FRK: variants seen among roughly 807,000 people sequenced by gnomAD.
FRK encodes tyrosine-protein kinase FRK.
A neutral mutation model predicts 56.4 loss-of-function variants in FRK; 51 were observed. The ratio of observed to expected loss-of-function variants is 0.90; its 90% CI spans 0.72 to 1.14. FRK has a LOEUF of 1.14. FRK is among the 50% of genes most tolerant of loss of function. The pLI is 0.00. For missense variants in FRK, 570 were observed against 601.4 expected, an observed-to-expected ratio of 0.95 and a Z score of 0.55; for synonymous variants, 245 against 217.9, an observed-to-expected ratio of 1.12 and a Z score of -1.10.
In FRK at chr6:116,022,587, T is replaced by G. The variant is rs557024409; in HGVS notation, c.345-18589A>C. Among the ~76,000 whole-genome samples the G allele has an allele frequency of 7.2e-5, 11 of 152,242 alleles. No homozygotes were observed. In the South Asian group the frequency reaches 1.9e-3, roughly 26 times the overall value. On this transcript the variant is annotated intron_variant, in intron 1 of 7. Coordinates refer to ENST00000606080, the MANE Select transcript of FRK (RefSeq NM_002031.3). ...CTCAATAGATGCAGAAAAATCTTTT[T>G]GAAAAAGTCAACATCTATTCATGAT...
chr6:116,021,907 G>A (rs1404743944), intron 1 of FRK, among the ~76,000 whole-genome samples: 3 of 151,742 alleles, frequency 2.0e-5, no homozygotes, highest in Non-Finnish European at 4.4e-5. Context: ...TTTTTGGGAA[G>A]ATTAATAAAA....
the FRK span, among the ~76,000 whole-genome samples, chr6:116,095,474 A>C: frequency 1.7e-3 from 260 of 152,328 alleles, 1 homozygote; most frequent in Non-Finnish European, 9.6e-4. Flanking sequence ...TTTCAACAAA[A>C]GTAAAGTTTG....
At chr6:116,053,972 ACATAG>A (rs1278364315) in intron 1 of FRK, among the ~76,000 whole-genome samples, 1 of 152,004 alleles carries the variant, frequency 6.6e-6, no homozygotes, top group Non-Finnish European at 1.5e-5. Flanking sequence ...TGGGATTTTA[ACATAG>A]TTGAATTGGT....
At chr6:116,090,552 C>G in the FRK span, among the ~76,000 whole-genome samples, 1 of 152,210 alleles carries the variant, frequency 6.6e-6, no homozygotes, top group Non-Finnish European at 1.5e-5. Flanking sequence ...TTAGACAACA[C>G]TGTAACTGAA....
the FRK span, among the ~76,000 whole-genome samples, chr6:116,091,156 G>C: frequency 0.013 from 1,919 of 152,252 alleles, 41 homozygotes; most frequent in African/African-American, 0.042. Context: ...TTTGTGTCTA[G>C]CTAAAGGATT....
intron 1 of FRK, among the ~76,000 whole-genome samples, chr6:116,052,213 A>T (rs1582761377): frequency 6.6e-6 from 1 of 152,200 alleles, no homozygotes; most frequent in African/African-American, 2.4e-5. Context: ...GATTAGAGCA[A>T]CTAATTTCTG....
At chr6:116,072,564 C>CACAA in the FRK span, among the ~76,000 whole-genome samples, 28,288 of 149,070 alleles carry the variant, frequency 0.19, 3,251 homozygotes, top group Middle Eastern at 0.35. Context: ...CACACACACA[C>CACAA]AAGATACCTT....
the FRK span, among the ~76,000 whole-genome samples, chr6:116,066,572 A>G: frequency 1.3e-5 from 2 of 152,106 alleles, no homozygotes; most frequent in African/African-American, 4.8e-5. Flanking sequence ...GTGTTTTTCA[A>G]TAGCTTCCCA....
intron 1 of FRK, among the ~76,000 whole-genome samples, chr6:116,029,745 G>A (rs1053882649): frequency 6.6e-6 from 1 of 152,014 alleles, no homozygotes; most frequent in African/African-American, 2.4e-5. Context: ...CCTTTTCTGA[G>A]GTCAAATTAG....
intron 1 of FRK, among the ~76,000 whole-genome samples, chr6:116,023,516 A>G (rs1407573193): frequency 1.3e-5 from 2 of 152,242 alleles, no homozygotes; most frequent in Admixed American, 6.5e-5. Context: ...ATGTCAAGCC[A>G]AAGAAGCAAG....
chr6:115,979,021 T>C (rs1443531681), intron 2 of FRK, among the ~76,000 whole-genome samples: 1 of 149,744 alleles, frequency 6.7e-6, no homozygotes, highest in Admixed American at 6.7e-5. Flanking sequence ...ACCACTGTAC[T>C]CTAGCGTGGA....
At position 115,939,380 on chromosome 6, in the gene FRK, T is replaced by C. The variant is rs1233163417; in HGVS notation, c.*3034A>G. ...GACAAAACCACAGCCAATATCATAC[T>C]GAATGGGTAAACCTGGAAGCATTCC... On this transcript the variant is annotated 3_prime_UTR_variant, in exon 8 of 8. Coordinates refer to ENST00000606080, the MANE Select transcript of FRK (RefSeq NM_002031.3). The C allele has an allele frequency of 6.6e-6, 1 of 152,200 alleles. No individual in the cohort carries two copies. Among genetic ancestry groups the C allele is most frequent in the African/African-American group, 2.4e-5 (1 of 41,440 alleles). 9.4% of individuals were successfully genotyped at this position (152,200 alleles called of 1,614,324 possible).
intron 5 of FRK, among the ~76,000 whole-genome samples, chr6:115,949,268 C>CA (rs1053895859): frequency 5.7e-5 from 1 of 17,666 alleles, no homozygotes; most frequent in African/African-American, 1.7e-4. Context: ...TATTTGAATA[C>CA]CTTTATTTCT....
Position 116,039,396 on chromosome 6 carries a change from C to T in FRK, c.344+20572G>A, listed in dbSNP as rs1241601490. 5.1e-6 allele frequency: 8 copies of T among 1,567,474 alleles called. No homozygotes were observed. In the African/African-American group the frequency reaches 8.1e-5, roughly 16 times the overall value. On this transcript the variant is annotated intron_variant, in intron 1 of 7. Coordinates refer to ENST00000606080, the MANE Select transcript of FRK (RefSeq NM_002031.3). ...ATGGAGGCTCTGTGATGGGGGCAAC[C>T]TGCAAGGAGCTGGCCAGCCAGCCTG... is the stretch of plus-strand genomic sequence containing the variant.
At chr6:116,079,931 C>T in the FRK span, among the ~76,000 whole-genome samples, 17 of 151,888 alleles carry the variant, frequency 1.1e-4, no homozygotes, top group Non-Finnish European at 2.1e-4. Context: ...TTACCTTTAC[C>T]CTACCTCAGC....
chr6:116,057,346 A>G (rs576602259), intron 1 of FRK, among the ~76,000 whole-genome samples: 2 of 152,238 alleles, frequency 1.3e-5, no homozygotes, highest in African/African-American at 2.4e-5. Context: ...AGTTGTTTTT[A>G]TATAATTCTT....
At chr6:115,983,535 T>A (rs182985095) in intron 2 of FRK, among the ~76,000 whole-genome samples, 3 of 152,288 alleles carry the variant, frequency 2.0e-5, no homozygotes, top group Admixed American at 1.3e-4. Flanking sequence ...TCTATTTTCC[T>A]CAGTCTTACA....
At chr6:115,976,031 A>G (rs780055535) in intron 2 of FRK, among the ~76,000 whole-genome samples, 2 of 152,108 alleles carry the variant, frequency 1.3e-5, no homozygotes, top group Non-Finnish European at 2.9e-5. Context: ...CTGGTTCGGG[A>G]GAGGATCTAT....
At chr6:116,099,907 G>A in the FRK span, among the ~76,000 whole-genome samples, 1 of 152,222 alleles carries the variant, frequency 6.6e-6, no homozygotes, top group Non-Finnish European at 1.5e-5. Flanking sequence ...GAGGTACTAT[G>A]TAATAAAGAT....
Sources: allele counts gnomAD v4.1 joint callset (sites outside exome capture counted in the v4.1 genomes callset), GRCh38; gene constraint gnomAD v4.1.1; transcripts MANE v1.5; gene names NCBI Gene and HGNC (gene_info 2026-07-23, HGNC 2026-07-21).